The following RPF2 variants were observed in gnomAD, a reference collection of about 807,000 sequenced individuals.
The protein encoded by RPF2 is brix domain containing 1.
A neutral mutation model predicts 38.9 loss-of-function variants in RPF2; 21 were observed. The ratio of observed to expected loss-of-function variants is 0.54; its 90% CI spans 0.38 to 0.78. RPF2 has a LOEUF of 0.78. Among genes scored for constraint, RPF2 ranks in the 30% least tolerant of loss-of-function variants. The pLI, the probability that RPF2 is intolerant of heterozygous loss-of-function variation, is 0.00. For missense variants in RPF2, 314 were observed against 358.1 expected (o/e 0.88, Z 0.99); for synonymous variants, 121 against 126.2 (o/e 0.96, Z 0.28).
intron 6 of RPF2, among the ~76,000 whole-genome samples, chr6:111,003,671 T>A (rs889849213): frequency 6.6e-6 from 1 of 152,112 alleles, no homozygotes; most frequent in African/African-American, 2.4e-5. Context: ...AATTTTTTTT[T>A]AAATTAGCCT....
rs143990378 is a variant in RPF2 at position 110,982,733 on chromosome 6, C to G, written c.23+604C>G. ...TCAAGAATATTTGGGCTAAACAGCC[C>G]TGCTGTTACTTGCTGTGATTTTCTT... On this transcript the variant is annotated intron_variant, in intron 1 of 9. Coordinates refer to ENST00000441448, the MANE Select transcript of RPF2 (RefSeq NM_032194.3). 1.2e-4 allele frequency among the ~76,000 whole-genome samples: 18 copies of G among 152,290 alleles called. No homozygotes were observed. In the East Asian group the frequency reaches 3.5e-3, roughly 29 times the overall value.
intron 8 of RPF2, among the ~76,000 whole-genome samples, chr6:111,019,917 C>CTTTTTT (rs763096502): frequency 5.4e-5 from 8 of 149,024 alleles, no homozygotes; most frequent in East Asian, 4.1e-4. Flanking sequence ...TCTTTTCTTT[C>CTTTTTT]TTTTGTTTTT....
chr6:110,997,150 C>A, intron 4 of RPF2, 33 bp from the exon 5 acceptor site: 1 of 1,301,936 alleles, frequency 7.7e-7, no homozygotes. Context: ...TAAATTTATG[C>A]ATGGACTAAA....
At chr6:111,002,519 A>C (rs1434487697) in intron 6 of RPF2, among the ~76,000 whole-genome samples, 1 of 151,586 alleles carries the variant, frequency 6.6e-6, no homozygotes, top group Non-Finnish European at 1.5e-5. Flanking sequence ...TTTTTTAAGA[A>C]ATGGGGTCTC....
At chr6:110,985,783 C>T (rs1230465924) in intron 2 of RPF2, among the ~76,000 whole-genome samples, 5 of 151,924 alleles carry the variant, frequency 3.3e-5, no homozygotes, top group African/African-American at 9.7e-5. Flanking sequence ...ACTAAAAGTA[C>T]AAAAATTAGC....
chr6:111,020,298 C>T (rs1307233424), intron 8 of RPF2, among the ~76,000 whole-genome samples: 1 of 152,182 alleles, frequency 6.6e-6, no homozygotes, highest in Non-Finnish European at 1.5e-5. Flanking sequence ...TCACTGCAAC[C>T]TCTGCCTCCC....
intron 6 of RPF2, among the ~76,000 whole-genome samples, chr6:111,003,079 ACCC>A (rs10565997): frequency 3.0e-5 from 3 of 98,576 alleles, no homozygotes; most frequent in Non-Finnish European, 6.6e-5. Flanking sequence ...TTCATTTTTT[ACCC>A]CCCCCCCTTT....
chr6:111,006,716 T>C (rs1294676265), intron 6 of RPF2, among the ~76,000 whole-genome samples: 1 of 152,114 alleles, frequency 6.6e-6, no homozygotes, highest in Non-Finnish European at 1.5e-5. Flanking sequence ...CAAGCGATCC[T>C]CCTACCTCAC....
In RPF2 at chr6:111,008,088, T is replaced by C; in HGVS notation, c.444T>C (p.Asp148=). 2 of 1,604,622 alleles carry C rather than the reference T, an allele frequency of 1.2e-6. No individual in the cohort carries two copies. Among genetic ancestry groups the C allele is most frequent in the Non-Finnish European group, 8.5e-7 (1 of 1,176,174 alleles). ...AACCCATGCTGATATTTGCTGGCGA[T>C]GATTTCGATGTAACAGAAGATTATA... The part of the protein sequence containing the change: ...GTKPMLIFAG[D]DFDVTEDYRR... The change falls in exon 7 of 10, where the codon GAT becomes GAC. Residue 148 remains aspartate (D), a synonymous_variant. Coordinates refer to ENST00000441448, the MANE Select transcript of RPF2 (RefSeq NM_032194.3).
intron 7 of RPF2, among the ~76,000 whole-genome samples, chr6:111,012,838 T>G (rs1772043611): frequency 6.6e-6 from 1 of 152,036 alleles, no homozygotes; most frequent in Non-Finnish European, 1.5e-5. Context: ...CCTGGATAAT[T>G]TTTGTATTTT....
At chr6:111,022,503 A>C (rs1373117447) in intron 8 of RPF2, among the ~76,000 whole-genome samples, 2 of 152,232 alleles carry the variant, frequency 1.3e-5, no homozygotes, top group Non-Finnish European at 2.9e-5. Flanking sequence ...TCATCTACAC[A>C]GAAAAGTATG....
chr6:111,015,981 G>C (rs1370505919), intron 8 of RPF2, 125 bp downstream of exon 8: 1 of 700,890 alleles, frequency 1.4e-6, no homozygotes, highest in Non-Finnish European at 2.5e-6. Context: ...GAGTTGGCAG[G>C]ATAGCAGTGA....
chr6:111,024,873 T>G (rs1236762314), intron 9 of RPF2, among the ~76,000 whole-genome samples: 2 of 152,224 alleles, frequency 1.3e-5, no homozygotes, highest in Non-Finnish European at 2.9e-5. Context: ...TGCCTTCTGA[T>G]AGTCAAGACT....
At chr6:111,005,685 A>G (rs1771895511) in intron 6 of RPF2, among the ~76,000 whole-genome samples, 1 of 151,498 alleles carries the variant, frequency 6.6e-6, no homozygotes, top group Admixed American at 6.6e-5. Context: ...GCTGGAGTGT[A>G]GTGGCAAGAG....
At chr6:111,014,309 G>A (rs1358936036) in intron 7 of RPF2, among the ~76,000 whole-genome samples, 1 of 151,742 alleles carries the variant, frequency 6.6e-6, no homozygotes, top group Non-Finnish European at 1.5e-5. Flanking sequence ...ATTTTTTGTG[G>A]TTTTAGTAGA....
intron 6 of RPF2, among the ~76,000 whole-genome samples, chr6:111,002,141 A>G (rs192349017): frequency 1.1e-3 from 170 of 152,196 alleles, no homozygotes; most frequent in African/African-American, 3.8e-3. Flanking sequence ...TTAGCCAGGC[A>G]TGGTGGTGCA....
chr6:110,983,983 C>G (rs908814266), intron 1 of RPF2, among the ~76,000 whole-genome samples: 1 of 151,890 alleles, frequency 6.6e-6, no homozygotes, highest in Admixed American at 6.6e-5. Context: ...GAGCCGAGAT[C>G]GCACCACTGC....
chr6:111,023,643 A>T (rs544737537), intron 8 of RPF2, among the ~76,000 whole-genome samples: 175 of 152,142 alleles, frequency 1.2e-3, no homozygotes, highest in African/African-American at 3.6e-3. Flanking sequence ...GAAAAAAAAA[A>T]TTTTTAATTT....
chr6:111,013,502 G>A (rs944855922), intron 7 of RPF2, among the ~76,000 whole-genome samples: 17 of 152,192 alleles, frequency 1.1e-4, no homozygotes, highest in African/African-American at 4.1e-4. Flanking sequence ...AGGATGGCTG[G>A]TTAGAACTAT....
Sources: gnomAD v4.1 joint callset for allele counts (sites outside exome capture counted in the v4.1 genomes callset) on GRCh38, gnomAD v4.1.1 for gene constraint, MANE v1.5 for transcripts, NCBI Gene and HGNC (gene_info 2026-07-23, HGNC 2026-07-21) for gene names.